Variants in DENND2B observed in about 807,000 individuals in gnomAD.
DENND2B encodes DENN domain containing 2B.
DENND2B carries 32 observed loss-of-function variants against 116.0 expected under a neutral mutation model. The observed-to-expected ratio is 0.28, with a 90% CI of 0.21 to 0.37. The LOEUF is 0.37. Ranked by LOEUF, DENND2B falls within the 10% of genes least tolerant of loss-of-function variation. DENND2B has a pLI of 1.00. For missense variants in DENND2B, 1,276 were observed against 1,477.7 expected, an observed-to-expected ratio of 0.86 and a Z score of 2.24; for synonymous variants, 588 against 583.9, an observed-to-expected ratio of 1.01 and a Z score of -0.10.
At chr11:8,816,481 G>A (rs2061571151) in intron 4 of DENND2B, among the ~76,000 whole-genome samples, 1 of 151,590 alleles carries the variant, frequency 6.6e-6, no homozygotes, top group African/African-American at 2.4e-5. Context: ...AGCCTGGGAG[G>A]TTAAGGCTGC....
At chr11:8,837,782 T>C (rs1330477406) in intron 4 of DENND2B, among the ~76,000 whole-genome samples, 2 of 152,202 alleles carry the variant, frequency 1.3e-5, no homozygotes, top group Non-Finnish European at 2.9e-5. Context: ...TCAATAAATG[T>C]AGAGCTTGGA....
chr11:8,852,296 A>G (rs1384069515), intron 3 of DENND2B, among the ~76,000 whole-genome samples: 1 of 152,222 alleles, frequency 6.6e-6, no homozygotes, highest in Non-Finnish European at 1.5e-5. Flanking sequence ...CTGTCAAAGA[A>G]GAATCAATAA....
intron 1 of DENND2B, among the ~76,000 whole-genome samples, chr11:8,765,970 C>T (rs969854124): frequency 2.0e-5 from 3 of 151,750 alleles, no homozygotes; most frequent in East Asian, 1.9e-4. Flanking sequence ...ACCTGGGAGG[C>T]GGAGGATACA....
At chr11:8,907,371 G>T (rs2064252117) in intron 1 of DENND2B, among the ~76,000 whole-genome samples, 1 of 152,138 alleles carries the variant, frequency 6.6e-6, no homozygotes, top group Non-Finnish European at 1.5e-5. Context: ...GGGCCTGATG[G>T]TAGGTCATGT....
chr11:8,764,178 C>T (rs538966398), intron 1 of DENND2B, among the ~76,000 whole-genome samples: 6 of 151,920 alleles, frequency 3.9e-5, no homozygotes, highest in African/African-American at 1.4e-4. Context: ...CAAGATCGCG[C>T]CACTGCACTC....
At chr11:8,849,944 G>C in intron 3 of DENND2B, among the ~76,000 whole-genome samples, 1 of 150,230 alleles carries the variant, frequency 6.7e-6, no homozygotes. Flanking sequence ...AGACCAGCCT[G>C]GGCAACAAGG....
In DENND2B at chr11:8,727,900, G is replaced by GTTTTTTT. The variant is rs35687800; in HGVS notation, c.1341-1698_1341-1692dup. On this transcript the variant is annotated intron_variant, in intron 3 of 19. Transcript: ENST00000313726. Reference sequence around the variant, plus strand: ...ATTAAAACTAATAGTTTCTCCCCAGGTTTTTTTTTTTTTTTTTGGCTGAAT... The same window carrying GTTTTTTT: ...ATTAAAACTAATAGTTTCTCCCCAGGTTTTTTTTTTTTTTTTTTTTTTTTGGCTGAAT... 5.8e-5 allele frequency among the ~76,000 whole-genome samples: 7 copies of GTTTTTTT among 121,622 alleles called. No individual in the cohort carries two copies. In the South Asian group the frequency reaches 1.6e-3, roughly 28 times the overall value. The allele number at this position is 121,622 out of a possible 152,430, so 79.8% of individuals were successfully genotyped here.
intron 1 of DENND2B, chr11:8,808,518 A>G (rs1286428475): frequency 3.9e-5 from 6 of 152,216 alleles, no homozygotes; most frequent in Non-Finnish European, 8.8e-5. Flanking sequence ...GGAAAGCAAC[A>G]TTTGTTTCCT....
chr11:8,725,531 T>C (rs1447019509), intron 4 of DENND2B, among the ~76,000 whole-genome samples: 2 of 152,066 alleles, frequency 1.3e-5, no homozygotes, highest in East Asian at 1.9e-4. Context: ...CCTGCCACCA[T>C]GCTCAGCTAA....
At chr11:8,753,914 G>A (rs2053056020) in intron 1 of DENND2B, among the ~76,000 whole-genome samples, 1 of 152,070 alleles carries the variant, frequency 6.6e-6, no homozygotes, top group African/African-American at 2.4e-5. Flanking sequence ...AAAAAATGTA[G>A]TATAGCCCTA....
chr11:8,825,857 C>A (rs1191096091), intron 4 of DENND2B, among the ~76,000 whole-genome samples: 4 of 152,106 alleles, frequency 2.6e-5, no homozygotes, highest in Admixed American at 6.6e-5. Context: ...TTGAGTTTAG[C>A]TGACAAAACA....
intron 11 of DENND2B, among the ~76,000 whole-genome samples, chr11:8,710,482 C>T (rs567303004): frequency 1.3e-5 from 2 of 151,922 alleles, no homozygotes; most frequent in South Asian, 2.1e-4. Context: ...CTGCTGGGGG[C>T]GATTCGATCC....
At chr11:8,752,967 T>G (rs1373913102) in intron 1 of DENND2B, among the ~76,000 whole-genome samples, 4 of 152,222 alleles carry the variant, frequency 2.6e-5, no homozygotes, top group African/African-American at 9.6e-5. Context: ...CCAGGTGTGG[T>G]GGCTCACACT....
chr11:8,791,629 T>C (rs2059385511), intron 1 of DENND2B, among the ~76,000 whole-genome samples: 1 of 151,860 alleles, frequency 6.6e-6, no homozygotes, highest in African/African-American at 2.4e-5. Flanking sequence ...TAGCCGGGTA[T>C]GGTGGCATGT....
chr11:8,804,454 G>GTAT (rs959305449), intron 1 of DENND2B, among the ~76,000 whole-genome samples: 5 of 151,368 alleles, frequency 3.3e-5, no homozygotes, highest in African/African-American at 1.2e-4. Context: ...AGGAAATCTT[G>GTAT]TATTATTACA....
At chr11:8,853,200 T>C (rs914391491) in intron 3 of DENND2B, among the ~76,000 whole-genome samples, 32 of 151,962 alleles carry the variant, frequency 2.1e-4, no homozygotes, top group African/African-American at 7.0e-4. Context: ...CCGTCCCTAC[T>C]AAAAATACAA....
chr11:8,785,533 C>T (rs1593668036), intron 1 of DENND2B: 1 of 152,276 alleles, frequency 6.6e-6, no homozygotes, highest in East Asian at 1.9e-4. Flanking sequence ...GGACCTCTCC[C>T]TGGTCACTAT....
chr11:8,714,778 G>T (rs1349580521), intron 6 of DENND2B, 72 bp from the exon 7 acceptor site: 3 of 1,317,068 alleles, frequency 2.3e-6, no homozygotes, highest in Non-Finnish European at 3.3e-6. Flanking sequence ...GGCTGAGTAG[G>T]AGCCCATCCC....
intron 1 of DENND2B, among the ~76,000 whole-genome samples, chr11:8,885,952 G>A (rs980762586): frequency 9.3e-5 from 14 of 151,188 alleles, no homozygotes; most frequent in Admixed American, 2.0e-4. Context: ...AACTTTTTTC[G>A]GGGGGAGAAC....
Sources: allele counts gnomAD v4.1 joint callset (sites outside exome capture counted in the v4.1 genomes callset), GRCh38; gene constraint gnomAD v4.1.1; transcripts MANE v1.5; gene names NCBI Gene and HGNC (gene_info 2026-07-23, HGNC 2026-07-21).